The following DCDC1 variants were observed in gnomAD, a reference collection of about 807,000 sequenced individuals.
DCDC1 encodes the protein doublecortin domain-containing protein 1.
Under a neutral mutation model 178.3 loss-of-function variants are expected in DCDC1, and 200 were observed. That is an observed-to-expected ratio of 1.12 (90% CI 1.00 to 1.26). DCDC1 has a LOEUF of 1.26. Among genes scored for constraint, DCDC1 ranks in the 50% most tolerant of loss-of-function variants. The pLI, the probability that DCDC1 is intolerant of heterozygous loss-of-function variation, is 0.00. For missense variants in DCDC1, 1,983 were observed against 1,749.2 expected (o/e 1.13, Z -2.38); for synonymous variants, 690 against 604.8 (o/e 1.14, Z -2.07).
chr11:31,252,252 A>C (rs1944090588), intron 8 of DCDC1, among the ~76,000 whole-genome samples: 4 of 152,122 alleles, frequency 2.6e-5, no homozygotes, highest in Admixed American at 2.0e-4. Flanking sequence ...ACTAAATTTA[A>C]ATTCCCGGGT....
intron 23 of DCDC1, among the ~76,000 whole-genome samples, chr11:30,924,567 A>G (rs1485357796): frequency 6.6e-6 from 1 of 152,126 alleles, no homozygotes; most frequent in Non-Finnish European, 1.5e-5. Flanking sequence ...CACCAAATAG[A>G]GTGTATGAAA....
intron 1 of DCDC1, among the ~76,000 whole-genome samples, chr11:31,343,990 A>AT (rs1950685672): frequency 6.6e-6 from 1 of 152,190 alleles, no homozygotes; most frequent in African/African-American, 2.4e-5. Flanking sequence ...AGGATTAGTT[A>AT]TATAAGTGTG....
chr11:31,049,822 G>T (rs958797434), intron 20 of DCDC1, among the ~76,000 whole-genome samples: 11 of 152,202 alleles, frequency 7.2e-5, no homozygotes, highest in African/African-American at 2.7e-4. Flanking sequence ...GTGAAATACA[G>T]GGGTACAGGA....
intron 9 of DCDC1, among the ~76,000 whole-genome samples, chr11:31,173,799 G>T (rs1002621244): frequency 2.0e-5 from 3 of 151,492 alleles, no homozygotes; most frequent in Non-Finnish European, 4.4e-5. Context: ...CATCTTTTTT[G>T]GGTGACAACC....
chr11:31,274,697 G>A (rs1945845740), intron 7 of DCDC1, among the ~76,000 whole-genome samples: 1 of 119,826 alleles, frequency 8.3e-6, no homozygotes, highest in African/African-American at 3.6e-5. Flanking sequence ...TTTCACAAAT[G>A]TCTTTTTTTT....
intron 9 of DCDC1, among the ~76,000 whole-genome samples, chr11:31,170,325 A>G (rs1198321910): frequency 6.6e-6 from 1 of 152,128 alleles, no homozygotes; most frequent in Non-Finnish European, 1.5e-5. Context: ...CTTTTGGGTC[A>G]TTTCCAGTTT....
intron 20 of DCDC1, among the ~76,000 whole-genome samples, chr11:30,982,528 A>G (rs1950440765): frequency 6.6e-6 from 1 of 151,804 alleles, no homozygotes; most frequent in Non-Finnish European, 1.5e-5. Flanking sequence ...GGCTTCTAAT[A>G]AACACAATGA....
chr11:31,023,272 T>C (rs899288851), intron 20 of DCDC1, among the ~76,000 whole-genome samples: 1 of 152,088 alleles, frequency 6.6e-6, no homozygotes, highest in East Asian at 1.9e-4. Flanking sequence ...TATCCATGTG[T>C]ATGCATATAT....
chr11:31,357,522 T>G (rs910832292), intron 1 of DCDC1, among the ~76,000 whole-genome samples: 1 of 152,166 alleles, frequency 6.6e-6, no homozygotes, highest in African/African-American at 2.4e-5. Flanking sequence ...CTTTGAAAAT[T>G]GGCACAAGAC....
intron 20 of DCDC1, among the ~76,000 whole-genome samples, chr11:30,953,467 T>A (rs1390147540): frequency 6.6e-6 from 1 of 151,798 alleles, no homozygotes; most frequent in Non-Finnish European, 1.5e-5. Flanking sequence ...CAAAGATAAA[T>A]TTATAATATT....
chr11:30,897,238 C>G (rs1342573875), intron 34 of DCDC1, among the ~76,000 whole-genome samples: 1 of 152,140 alleles, frequency 6.6e-6, no homozygotes, highest in Non-Finnish European at 1.5e-5. Flanking sequence ...ACATCACTGA[C>G]CAAATACAGA....
chr11:31,183,655 CG>C (rs1969119630), intron 9 of DCDC1, among the ~76,000 whole-genome samples: 1 of 152,054 alleles, frequency 6.6e-6, no homozygotes, highest in South Asian at 2.1e-4. Flanking sequence ...AGAGTCAAAT[CG>C]TAAGTGAACT....
intron 10 of DCDC1, among the ~76,000 whole-genome samples, chr11:31,136,259 C>A: frequency 6.6e-6 from 1 of 152,002 alleles, no homozygotes; most frequent in Non-Finnish European, 1.5e-5. Flanking sequence ...TAATTAACAA[C>A]CTAGTCTTGT....
At chr11:31,280,909 C>T (rs200792328) in intron 7 of DCDC1, 27 of 639,436 alleles carry the variant, frequency 4.2e-5, no homozygotes, top group Non-Finnish European at 5.0e-5. Context: ...CAGTCTTGTG[C>T]TTGCCTCCCT....
intron 9 of DCDC1, among the ~76,000 whole-genome samples, chr11:31,212,666 A>C (rs1323814969): frequency 6.6e-6 from 1 of 152,186 alleles, no homozygotes; most frequent in Admixed American, 6.5e-5. Flanking sequence ...ATGACGATGC[A>C]AGAAAACGGT....
chr11:31,034,919 A>T (rs1374681864), intron 20 of DCDC1, among the ~76,000 whole-genome samples: 1 of 152,196 alleles, frequency 6.6e-6, no homozygotes, highest in East Asian at 1.9e-4. Flanking sequence ...CTGACTCAGC[A>T]CACCTTGGTA....
chr11:30,960,123 T>G (rs1485364837), intron 20 of DCDC1, among the ~76,000 whole-genome samples: 1 of 152,142 alleles, frequency 6.6e-6, no homozygotes, highest in African/African-American at 2.4e-5. Context: ...CTAAATTATC[T>G]CTCAACCAAG....
intron 9 of DCDC1, among the ~76,000 whole-genome samples, chr11:31,165,679 T>C (rs1966720658): frequency 6.6e-6 from 1 of 152,202 alleles, no homozygotes; most frequent in African/African-American, 2.4e-5. Context: ...TCTATTAGAT[T>C]ATTAGTAATT....
chr11:31,114,633 C>T (rs993145297), intron 11 of DCDC1, among the ~76,000 whole-genome samples: 11 of 152,072 alleles, frequency 7.2e-5, no homozygotes, highest in Admixed American at 2.6e-4. Context: ...TGAAGCAAGA[C>T]AGGAATGTGT....
Sources: allele counts gnomAD v4.1 joint callset (sites outside exome capture counted in the v4.1 genomes callset), GRCh38; gene constraint gnomAD v4.1.1; transcripts MANE v1.5; gene names NCBI Gene and HGNC (gene_info 2026-07-23, HGNC 2026-07-21).